Variants in RYR2 observed in about 807,000 individuals in gnomAD.
The protein encoded by RYR2 is cardiac muscle ryanodine receptor-calcium release channel.
In RYR2, 227 loss-of-function variants were observed where a neutral mutation model predicts 601.1. That is an observed-to-expected ratio of 0.38 (90% CI 0.34 to 0.42). RYR2 has a LOEUF of 0.42. Ranked by LOEUF, RYR2 falls within the 10% of genes least tolerant of loss-of-function variation. The pLI is 1.00. For missense variants in RYR2, 4,646 were observed against 6,156.5 expected, an observed-to-expected ratio of 0.75 and a Z score of 8.21; for synonymous variants, 2,223 against 2,175.1, an observed-to-expected ratio of 1.02 and a Z score of -0.61.
intron 8 of RYR2, among the ~76,000 whole-genome samples, chr1:237,380,167 A>G (rs746829510): frequency 1.3e-5 from 2 of 151,352 alleles, no homozygotes; most frequent in Non-Finnish European, 2.9e-5. Flanking sequence ...ATGAAGTACT[A>G]TGGTGTGGAT....
At chr1:237,459,452 G>C (rs1659219369) in intron 16 of RYR2, among the ~76,000 whole-genome samples, 1 of 152,162 alleles carries the variant, frequency 6.6e-6, no homozygotes, top group South Asian at 2.1e-4. Flanking sequence ...TTTGAGGGTA[G>C]AAAGTGTTAC....
At chr1:237,224,616 G>T (rs1684159602) in intron 1 of RYR2, among the ~76,000 whole-genome samples, 1 of 152,088 alleles carries the variant, frequency 6.6e-6, no homozygotes, top group Non-Finnish European at 1.5e-5. Context: ...TCAGTACTGT[G>T]GGAGGCCGAG....
At position 237,806,122 on chromosome 1, in the gene RYR2, G is replaced by A. The variant is rs371785571; in HGVS notation, c.14152-15G>A. On this transcript the variant is annotated splice_polypyrimidine_tract_variant and intron_variant, in intron 98 of 104. Transcript: ENST00000366574. ...GTTTTCTGACATGTTCTTTCCCCCC[G>A]TTTTGTCTTAATAGTCCTTCCTCTA... The A allele has an allele frequency of 6.7e-5, 108 of 1,610,404 alleles. No homozygotes were observed. The highest frequency in any genetic ancestry group is 8.2e-5 in the Non-Finnish European group (97 of 1,177,690).
At chr1:237,508,501 C>A (rs1414340805) in intron 23 of RYR2, among the ~76,000 whole-genome samples, 2 of 150,710 alleles carry the variant, frequency 1.3e-5, no homozygotes, top group Non-Finnish European at 3.0e-5. Flanking sequence ...AACAGCAAAA[C>A]CCCATATTAT....
At chr1:237,060,602 A>G (rs777037775) in intron 1 of RYR2, among the ~76,000 whole-genome samples, 43 of 152,300 alleles carry the variant, frequency 2.8e-4, no homozygotes, top group Non-Finnish European at 6.0e-4. Flanking sequence ...TTACTACTCT[A>G]TGGACTTCTA....
At chr1:237,417,350 T>G (rs2150030334) in intron 11 of RYR2, among the ~76,000 whole-genome samples, 1 of 152,304 alleles carries the variant, frequency 6.6e-6, no homozygotes, top group African/African-American at 2.4e-5. Context: ...AGCAATAATT[T>G]TGTACAGTCT....
chr1:237,650,661 T>C (rs1682640883), intron 50 of RYR2, among the ~76,000 whole-genome samples: 1 of 152,056 alleles, frequency 6.6e-6, no homozygotes, highest in Admixed American at 6.6e-5. Flanking sequence ...CCTGTGAAAG[T>C]GATAATTTCT....
intron 23 of RYR2, among the ~76,000 whole-genome samples, chr1:237,509,808 A>C (rs1232440329): frequency 1.3e-5 from 2 of 152,196 alleles, no homozygotes; most frequent in African/African-American, 2.4e-5. Context: ...TCCAAGACTG[A>C]GGGATGTGTA....
chr1:237,150,601 C>G (rs946294264), intron 1 of RYR2, among the ~76,000 whole-genome samples: 1 of 152,122 alleles, frequency 6.6e-6, no homozygotes, highest in South Asian at 2.1e-4. Context: ...ATAGCATAGT[C>G]TGTACAAACA....
chr1:237,215,514 C>A (rs1243720526), intron 1 of RYR2, among the ~76,000 whole-genome samples: 1 of 151,884 alleles, frequency 6.6e-6, no homozygotes, highest in Non-Finnish European at 1.5e-5. Context: ...ATTTTTTTCT[C>A]TATATTTTTG....
At chr1:237,059,671 G>A (rs1662607409) in intron 1 of RYR2, among the ~76,000 whole-genome samples, 1 of 152,158 alleles carries the variant, frequency 6.6e-6, no homozygotes, top group South Asian at 2.1e-4. Context: ...CTAAGGCCAT[G>A]TATTTATTTG....
At chr1:237,797,576 C>T (rs1659409181) in intron 96 of RYR2, among the ~76,000 whole-genome samples, 1 of 152,204 alleles carries the variant, frequency 6.6e-6, no homozygotes, top group African/African-American at 2.4e-5. Context: ...CTGGACCCAT[C>T]TCTTGCTGAG....
chr1:237,282,565 A>G (rs185440731), intron 2 of RYR2, among the ~76,000 whole-genome samples: 3 of 152,304 alleles, frequency 2.0e-5, no homozygotes, highest in Admixed American at 6.5e-5. Context: ...TGTCAGAGAT[A>G]TGATAGAGGC....
At chr1:237,400,474 G>T (rs1558754896) in intron 10 of RYR2, among the ~76,000 whole-genome samples, 1 of 152,126 alleles carries the variant, frequency 6.6e-6, no homozygotes, top group Non-Finnish European at 1.5e-5. Flanking sequence ...TGTAAAGAGA[G>T]ACCCTGAATA....
chr1:237,699,281 T>C (rs1327312080), intron 64 of RYR2, among the ~76,000 whole-genome samples: 1 of 152,162 alleles, frequency 6.6e-6, no homozygotes, highest in African/African-American at 2.4e-5. Context: ...ACTGGTAATG[T>C]ATCACGCAGG....
chr1:237,700,452 G>C lies in RYR2; in HGVS notation c.9352G>C (p.Gly3118Arg). ...TGAACATATTGGCCAGCATCAGTTC[G>C]GAGAAGACCTAATATGTATGTAAAT... The part of the protein sequence containing the change: ...LFEHIGQHQF[G>R]EDLILEDVQV... The change falls in exon 65 of 105, where the codon GGA becomes CGA. Residue 3118 changes from glycine to arginine, a missense_variant. By Grantham distance (125) the Gly-to-Arg change is moderately radical. Coordinates refer to ENST00000366574, the MANE Select transcript of RYR2 (RefSeq NM_001035.3). The C allele has an allele frequency of 6.4e-7, 1 of 1,559,104 alleles. No individual in the cohort carries two copies. Among genetic ancestry groups the C allele is most frequent in the Non-Finnish European group, 8.8e-7 (1 of 1,133,306 alleles).
Position 237,699,121 on chromosome 1 carries a change from T to A in RYR2, c.9128+96T>A, listed in dbSNP as rs528932128. On this transcript the variant is annotated intron_variant, in intron 64 of 104. Transcript: ENST00000366574. ...GAAGGACCCAGTGTCTGGATTTTAT[T>A]CTTTGGATTTGTAATAAAGTCTTTA... 9.1e-4 allele frequency: 573 copies of A among 628,234 alleles called. 3 individuals carry two copies. The highest frequency in any genetic ancestry group is 1.3e-3 in the Non-Finnish European group (502 of 379,844). 38.9% of individuals were successfully genotyped at this position (628,234 alleles called of 1,614,324 possible). A position where few individuals can be genotyped will look rare whatever the true frequency, so the allele number is the denominator to read the frequency against.
intron 1 of RYR2, among the ~76,000 whole-genome samples, chr1:237,125,097 T>C (rs757592378): frequency 2.0e-5 from 3 of 152,206 alleles, no homozygotes; most frequent in Non-Finnish European, 4.4e-5. Context: ...ATTTTGCAGA[T>C]AGAAATGCTT....
At chr1:237,453,299 G>A (rs1452352522) in intron 14 of RYR2, among the ~76,000 whole-genome samples, 1 of 152,032 alleles carries the variant, frequency 6.6e-6, no homozygotes, top group Non-Finnish European at 1.5e-5. Flanking sequence ...TAAAATAGTT[G>A]TACAGTTTTA....
Sources: allele counts gnomAD v4.1 joint callset (sites outside exome capture counted in the v4.1 genomes callset), GRCh38; gene constraint gnomAD v4.1.1; transcripts MANE v1.5; gene names NCBI Gene and HGNC (gene_info 2026-07-23, HGNC 2026-07-21).